The following GPC5 variants were observed in gnomAD, a reference collection of about 807,000 sequenced individuals.
GPC5 encodes the protein glypican-5.
GPC5 carries 47 observed loss-of-function variants against 53.9 expected under a neutral mutation model. That is an observed-to-expected ratio of 0.87 (90% CI 0.69 to 1.11). The LOEUF (loss-of-function observed/expected upper bound fraction) is 1.11, where lower values mean the gene tolerates loss of function less well. GPC5 is among the 50% of genes most tolerant of loss of function. The pLI, the probability that GPC5 is intolerant of heterozygous loss-of-function variation, is 0.00. For synonymous variants in GPC5, 286 were observed against 263.3 expected (o/e 1.09, Z -0.84); for missense variants, 748 against 713.1 (o/e 1.05, Z -0.56).
intron 1 of GPC5, among the ~76,000 whole-genome samples, chr13:91,399,959 TTGCTTCCTG>T (rs1876808243): frequency 6.6e-6 from 1 of 152,198 alleles, no homozygotes; most frequent in Non-Finnish European, 1.5e-5. Context: ...AGCGTGGATC[TTGCTTCCTG>T]TGAGCGCCTT....
chr13:92,461,861 G>GCT (rs1225310064), intron 7 of GPC5, among the ~76,000 whole-genome samples: 1 of 152,200 alleles, frequency 6.6e-6, no homozygotes, highest in African/African-American at 2.4e-5. Flanking sequence ...CCTGTCTGTG[G>GCT]TAATTTGTTA....
At chr13:92,463,440 T>C (rs918191673) in intron 7 of GPC5, among the ~76,000 whole-genome samples, 9 of 152,198 alleles carry the variant, frequency 5.9e-5, no homozygotes, top group Admixed American at 3.3e-4. Flanking sequence ...GTTTGCCAGA[T>C]GGTTTCTCAG....
chr13:92,166,220 G>A (rs2042026207), intron 7 of GPC5, among the ~76,000 whole-genome samples: 1 of 152,088 alleles, frequency 6.6e-6, no homozygotes, highest in Non-Finnish European at 1.5e-5. Context: ...ATTTTTGAGA[G>A]GACCATCTAT....
chr13:92,361,694 A>G (rs1014782903), intron 7 of GPC5, among the ~76,000 whole-genome samples: 2 of 151,708 alleles, frequency 1.3e-5, no homozygotes, highest in African/African-American at 4.9e-5. Flanking sequence ...CTTGCCTTTT[A>G]GGAGTGGAAA....
chr13:92,021,236 A>C (rs568502548), intron 6 of GPC5, among the ~76,000 whole-genome samples: 5 of 152,324 alleles, frequency 3.3e-5, no homozygotes, highest in African/African-American at 1.2e-4. Context: ...ATAAATCCCC[A>C]TCAACAGATG....
intron 5 of GPC5, among the ~76,000 whole-genome samples, chr13:91,806,758 G>A (rs2038228751): frequency 6.6e-6 from 1 of 152,174 alleles, no homozygotes; most frequent in African/African-American, 2.4e-5. Context: ...GTATATTAGT[G>A]AGAGTGGGAA....
At chr13:91,661,865 G>A (rs1391115011) in intron 2 of GPC5, among the ~76,000 whole-genome samples, 2 of 152,164 alleles carry the variant, frequency 1.3e-5, no homozygotes, top group Non-Finnish European at 2.9e-5. Flanking sequence ...GGCCCTGTGG[G>A]ACTTTTTAAG....
intron 7 of GPC5, among the ~76,000 whole-genome samples, chr13:92,818,859 AACCC>A (rs1299268490): frequency 2.0e-5 from 3 of 151,992 alleles, no homozygotes; most frequent in African/African-American, 7.3e-5. Flanking sequence ...ACACTGCTCT[AACCC>A]ACTGGCAAAT....
intron 2 of GPC5, among the ~76,000 whole-genome samples, chr13:91,457,438 G>C (rs551323663): frequency 2.3e-4 from 35 of 152,094 alleles, no homozygotes; most frequent in Non-Finnish European, 4.6e-4. Context: ...TTTATCATGA[G>C]ATGTTAATTT....
chr13:92,286,693 C>G lies in GPC5; in HGVS notation c.1561+141704C>G, dbSNP rs528924870. Reference sequence around the variant, plus strand: ...AGGTGGGAATTGAACAATGAGAACACTTGGACACAGGAAGGGGAACATCAC... The same window carrying G: ...AGGTGGGAATTGAACAATGAGAACAGTTGGACACAGGAAGGGGAACATCAC... On this transcript the variant is annotated intron_variant, in intron 7 of 7. Coordinates refer to ENST00000377067, the MANE Select transcript of GPC5 (RefSeq NM_004466.6). 4.5e-5 allele frequency among the ~76,000 whole-genome samples: 6 copies of G among 132,994 alleles called. No individual in the cohort carries two copies. The South Asian group carries it at 9.4e-4, about 21-fold the overall frequency. The allele number at this position is 132,994 out of a possible 152,430, so 87.2% of individuals were successfully genotyped here.
chr13:92,381,841 GTATATGATCA>G (rs550746849), intron 7 of GPC5, among the ~76,000 whole-genome samples: 6 of 62,960 alleles, frequency 9.5e-5, no homozygotes, highest in South Asian at 8.7e-4. Flanking sequence ...ATATTATATT[GTATATGATCA>G]TATATGATTA....
At chr13:91,970,320 A>C (rs1460707613) in intron 6 of GPC5, among the ~76,000 whole-genome samples, 1 of 152,142 alleles carries the variant, frequency 6.6e-6, no homozygotes, top group East Asian at 1.9e-4. Flanking sequence ...TGGCAAAAAG[A>C]TACAAACCCT....
intron 7 of GPC5, among the ~76,000 whole-genome samples, chr13:92,564,758 A>G (rs1882811910): frequency 6.6e-6 from 1 of 152,026 alleles, no homozygotes; most frequent in Non-Finnish European, 1.5e-5. Flanking sequence ...TCACATCGGC[A>G]GGTAAGAACA....
intron 6 of GPC5, among the ~76,000 whole-genome samples, chr13:92,070,938 GATGAA>G (rs1215295367): frequency 2.0e-5 from 3 of 152,224 alleles, no homozygotes; most frequent in Admixed American, 6.5e-5. Context: ...GAACTTTACA[GATGAA>G]ATGAAATCTG....
In GPC5 at chr13:91,552,929, A is replaced by G. The variant is rs544776095; in HGVS notation, c.325+104007A>G. Among the ~76,000 whole-genome samples, 8 of 152,242 alleles carry G rather than the reference A, an allele frequency of 5.3e-5. No individual in the cohort carries two copies. In the East Asian group the frequency reaches 1.4e-3, roughly 26 times the overall value. ...CACATTTTCTGGAAAATATTTTACC[A>G]TCTCCAAAACCAGAATACATCTTAA... is the stretch of plus-strand genomic sequence containing the variant. On this transcript the variant is annotated intron_variant, in intron 2 of 7. Coordinates refer to ENST00000377067, the MANE Select transcript of GPC5 (RefSeq NM_004466.6).
intron 2 of GPC5, among the ~76,000 whole-genome samples, chr13:91,546,983 T>C (rs774042240): frequency 2.0e-5 from 3 of 151,922 alleles, no homozygotes; most frequent in African/African-American, 7.2e-5. Context: ...ATTTTAGCAA[T>C]GAGAAGGTAG....
intron 7 of GPC5, among the ~76,000 whole-genome samples, chr13:92,285,776 A>C (rs2042949825): frequency 6.6e-6 from 1 of 152,182 alleles, no homozygotes; most frequent in African/African-American, 2.4e-5. Context: ...TAGACCTAAA[A>C]CCATAAAAAC....
chr13:91,857,153 C>G (rs1462663973), intron 5 of GPC5, among the ~76,000 whole-genome samples: 1 of 151,312 alleles, frequency 6.6e-6, no homozygotes, highest in African/African-American at 2.4e-5. Flanking sequence ...TAGTTTTTGA[C>G]CAGTATTCAG....
intron 7 of GPC5, among the ~76,000 whole-genome samples, chr13:92,621,858 G>A (rs746833957): frequency 1.3e-5 from 2 of 152,026 alleles, no homozygotes; most frequent in Non-Finnish European, 2.9e-5. Context: ...TCCAGCTCAA[G>A]CCAGTCTCTG....
Sources: allele counts gnomAD v4.1 joint callset (sites outside exome capture counted in the v4.1 genomes callset), GRCh38; gene constraint gnomAD v4.1.1; transcripts MANE v1.5; gene names NCBI Gene and HGNC (gene_info 2026-07-23, HGNC 2026-07-21).